Variants in AEBP2 observed in about 807,000 individuals in gnomAD.
The protein encoded by AEBP2 is zinc finger protein AEBP2.
AEBP2 carries 10 observed loss-of-function variants against 50.8 expected under a neutral mutation model. The ratio of observed to expected loss-of-function variants is 0.20; its 90% CI spans 0.12 to 0.33. The LOEUF (loss-of-function observed/expected upper bound fraction) is 0.33, where lower values mean the gene tolerates loss of function less well. Ranked by LOEUF, AEBP2 falls within the 10% of genes least tolerant of loss-of-function variation. AEBP2 has a pLI of 1.00. For synonymous variants in AEBP2, 296 were observed against 261.3 expected (o/e 1.13, Z -1.28); for missense variants, 570 against 688.0 (o/e 0.83, Z 1.92).
chr12:19,518,031 C>G, intron 7 of AEBP2, 56 bp from the exon 8 acceptor site: 2 of 1,470,882 alleles, frequency 1.4e-6, no homozygotes, highest in Non-Finnish European at 1.8e-6. Context: ...TCTCTTGAAG[C>G]ACTCAAATGT....
intron 5 of AEBP2, among the ~76,000 whole-genome samples, chr12:19,511,765 C>T (rs1011690442): frequency 4.6e-5 from 7 of 152,004 alleles, no homozygotes; most frequent in Non-Finnish European, 1.0e-4. Flanking sequence ...GTAACACAAA[C>T]ATCCTTGGCC....
At chr12:19,418,684 A>T (rs766146262) in intron 1 of AEBP2, among the ~76,000 whole-genome samples, 1 of 152,126 alleles carries the variant, frequency 6.6e-6, no homozygotes, top group Non-Finnish European at 1.5e-5. Context: ...TTGATGTCTT[A>T]TGTATCCCTA....
intron 1 of AEBP2, among the ~76,000 whole-genome samples, chr12:19,406,596 G>A (rs188375505): frequency 2.0e-5 from 3 of 148,492 alleles, no homozygotes; most frequent in Admixed American, 1.3e-4. Context: ...AGGAGAATTC[G>A]CTTGAACCCA....
chr12:19,465,309 G>A lies in AEBP2; in HGVS notation c.879+2592G>A, dbSNP rs138608487. ...CTCAGGAGGCTGAGACAGAAGAACC[G>A]CTTGAACCCGGGAGGCGGAGGTTGC... On this transcript the variant is annotated intron_variant, in intron 2 of 7. Transcript: ENST00000266508. 9.7e-3 allele frequency among the ~76,000 whole-genome samples: 1,475 copies of A among 151,982 alleles called. 8 individuals are homozygous for A. Among genetic ancestry groups the A allele is most frequent in the Middle Eastern group, 0.027 (8 of 294 alleles).
intron 2 of AEBP2, among the ~76,000 whole-genome samples, chr12:19,468,032 A>T (rs1948508523): frequency 1.3e-5 from 2 of 151,838 alleles, no homozygotes; most frequent in Non-Finnish European, 2.9e-5. Flanking sequence ...TGGATGATAG[A>T]GCAAGACTCT....
chr12:19,506,997 C>G (rs572432891), intron 5 of AEBP2, among the ~76,000 whole-genome samples: 2 of 152,118 alleles, frequency 1.3e-5, no homozygotes, highest in African/African-American at 4.8e-5. Flanking sequence ...ATTTAGAGGC[C>G]TATAGGGCAT....
chr12:19,424,022 C>G (rs1404289718), intron 1 of AEBP2, among the ~76,000 whole-genome samples: 1 of 152,142 alleles, frequency 6.6e-6, no homozygotes, highest in Non-Finnish European at 1.5e-5. Flanking sequence ...ATCTGGGAGG[C>G]TCTCAGCAGA....
chr12:19,437,953 T>C (rs541483020), upstream of AEBP2, among the ~76,000 whole-genome samples: 2 of 152,352 alleles, frequency 1.3e-5, no homozygotes, highest in East Asian at 1.9e-4. Flanking sequence ...CTCATTTTCC[T>C]TGAGTAGAAG....
At chr12:19,444,539 C>T (rs1469768537) in intron 1 of AEBP2, among the ~76,000 whole-genome samples, 1 of 152,230 alleles carries the variant, frequency 6.6e-6, no homozygotes, top group African/African-American at 2.4e-5. Context: ...CTAGCCTGAG[C>T]ATGAACCACC....
intron 3 of AEBP2, among the ~76,000 whole-genome samples, chr12:19,488,705 G>T (rs569647037): frequency 6.6e-6 from 1 of 152,120 alleles, no homozygotes; most frequent in Non-Finnish European, 1.5e-5. Flanking sequence ...TCTTAGTATT[G>T]CTTCGTCCAA....
At chr12:19,449,037 A>AT (rs1253660083) in intron 1 of AEBP2, among the ~76,000 whole-genome samples, 1 of 152,086 alleles carries the variant, frequency 6.6e-6, no homozygotes, top group East Asian at 1.9e-4. Context: ...TTGGCAATAG[A>AT]TTTTTTAGTG....
intron 3 of AEBP2, among the ~76,000 whole-genome samples, chr12:19,474,716 C>G (rs1033652425): frequency 2.6e-5 from 4 of 152,018 alleles, no homozygotes; most frequent in Non-Finnish European, 5.9e-5. Context: ...ACTTGTTTTT[C>G]TATATACCAA....
upstream of AEBP2, among the ~76,000 whole-genome samples, chr12:19,437,230 A>T (rs1947868464): frequency 6.6e-6 from 1 of 152,088 alleles, no homozygotes; most frequent in African/African-American, 2.4e-5. Context: ...GTACAATCAC[A>T]TTTCTACATG....
intron 2 of AEBP2, among the ~76,000 whole-genome samples, chr12:19,468,126 T>TTGTGTGTGTGTGTGTGTGTGTGTG (rs10643072): frequency 1.3e-3 from 189 of 144,056 alleles, no homozygotes; most frequent in Non-Finnish European, 2.1e-3. Flanking sequence ...CTGCCTGACT[T>TTGTGTGTGTGTGTGTGTGTGTGTG]TGTGTGTGTG....
chr12:19,468,185 A>G (rs896469824), intron 2 of AEBP2, among the ~76,000 whole-genome samples: 9 of 135,846 alleles, frequency 6.6e-5, no homozygotes, highest in Non-Finnish European at 9.8e-5. Flanking sequence ...CAGTCTTACT[A>G]TGTTGTCCAA....
At chr12:19,451,782 A>G (rs1164869117) in intron 1 of AEBP2, among the ~76,000 whole-genome samples, 4 of 151,968 alleles carry the variant, frequency 2.6e-5, no homozygotes, top group Non-Finnish European at 5.9e-5. Context: ...GCATACTGCA[A>G]TGTTGAGCTC....
Position 19,518,835 on chromosome 12 carries a change from G to T in AEBP2, c.*718G>T. 3 of 772,240 alleles carry T rather than the reference G, an allele frequency of 3.9e-6. No individual in the cohort carries two copies. The highest frequency in any genetic ancestry group is 5.8e-6 in the Non-Finnish European group (3 of 515,664). 47.8% of individuals were successfully genotyped at this position (772,240 alleles called of 1,614,324 possible). ...TTTTCAGGACTAGGGCTTTCTCATG[G>T]AGTACAGTATGTTAATATTTACCTA... On this transcript the variant is annotated 3_prime_UTR_variant, in exon 8 of 8. Coordinates refer to ENST00000266508, the MANE Select transcript of AEBP2 (RefSeq NM_153207.5).
chr12:19,483,169 C>G (rs921706077), intron 3 of AEBP2, among the ~76,000 whole-genome samples: 3 of 152,166 alleles, frequency 2.0e-5, no homozygotes, highest in African/African-American at 7.2e-5. Context: ...CCTAATTCTA[C>G]TGGCTGTCTT....
intron 1 of AEBP2, among the ~76,000 whole-genome samples, chr12:19,455,689 G>T (rs1377357647): frequency 6.6e-6 from 1 of 152,186 alleles, no homozygotes; most frequent in Non-Finnish European, 1.5e-5. Context: ...AAATCATACA[G>T]TTGATCGCTC....
Sources: gnomAD v4.1 joint callset for allele counts (sites outside exome capture counted in the v4.1 genomes callset) on GRCh38, gnomAD v4.1.1 for gene constraint, MANE v1.5 for transcripts, NCBI Gene and HGNC (gene_info 2026-07-23, HGNC 2026-07-21) for gene names.